Variants in GSDME observed in about 807,000 individuals in gnomAD.
GSDME encodes the protein gasdermin-E.
GSDME carries 44 observed loss-of-function variants against 47.5 expected under a neutral mutation model. The ratio of observed to expected loss-of-function variants is 0.93; its 90% confidence interval spans 0.73 to 1.19. The LOEUF (loss-of-function observed/expected upper bound fraction) is 1.19, where lower values mean the gene tolerates loss of function less well. Ranked by LOEUF, GSDME falls within the 50% of genes most tolerant of loss-of-function variation. GSDME has a pLI of 0.00. For synonymous variants in GSDME, 258 were observed against 252.8 expected (o/e 1.02, Z -0.20); for missense variants, 663 against 604.2 (o/e 1.10, Z -1.02).
At chr7:24,746,394 T>C (rs961210994) in intron 2 of GSDME, among the ~76,000 whole-genome samples, 3 of 152,186 alleles carry the variant, frequency 2.0e-5, no homozygotes, top group Non-Finnish European at 4.4e-5. Flanking sequence ...CAGACTTTCA[T>C]GAGCAATTTG....
chr7:24,767,630 T>C, the GSDME span, among the ~76,000 whole-genome samples: 1 of 151,986 alleles, frequency 6.6e-6, no homozygotes, highest in Non-Finnish European at 1.5e-5. This position sits in a 1 kb window ranked among gnomAD's most constrained non-coding sequence, Gnocchi z 5.3. Flanking sequence ...TTTTTTTTTT[T>C]GTTTCTACTA....
At position 24,732,972 on chromosome 7, in the gene GSDME, C is replaced by T. The variant is rs1274945616; in HGVS notation, c.404+11590G>A. Among the ~76,000 whole-genome samples, 1 of 151,946 alleles carries T rather than the reference C, an allele frequency of 6.6e-6. No individual in the cohort carries two copies. Among genetic ancestry groups the T allele is most frequent in the Non-Finnish European group, 1.5e-5 (1 of 68,006 alleles). On this transcript the variant is annotated intron_variant, in intron 3 of 9. Transcript: ENST00000645220. This position sits in a 1 kb window ranked among gnomAD's most constrained non-coding sequence, Gnocchi z 4.8. ...TAAGGGAGTACTGGATCTAACCCTCCCCCAACTCCAAGCAGCACAACATGC... is the reference window on the plus strand; with the variant it reads ...TAAGGGAGTACTGGATCTAACCCTCTCCCAACTCCAAGCAGCACAACATGC...
rs1277316092 is a variant in GSDME at position 24,704,048 on chromosome 7, T to TGGTACACTAG, written c.1184-1225_1184-1216dup. 4 of 152,176 alleles carry TGGTACACTAG rather than the reference T, an allele frequency of 2.6e-5. No homozygotes were observed. In the East Asian group the frequency reaches 7.7e-4, roughly 29 times the overall value. The allele number at this position is 152,176 out of a possible 1,614,324, so 9.4% of individuals were successfully genotyped here. On this transcript the variant is annotated intron_variant, in intron 8 of 9. Transcript: ENST00000645220. ...ACCCATTTAGCTGCTATCTTGAGTG[T>TGGTACACTAG]GGTACACTAGGTGCTAGGGGCACAG...
At chr7:24,709,518 C>T (rs1163288105) in intron 6 of GSDME, among the ~76,000 whole-genome samples, 4 of 152,184 alleles carry the variant, frequency 2.6e-5, no homozygotes, top group Admixed American at 2.6e-4. Flanking sequence ...GATGTAGTCA[C>T]CAGGGCTTCT....
chr7:24,765,970 G>A, the GSDME span, among the ~76,000 whole-genome samples: 5 of 152,078 alleles, frequency 3.3e-5, no homozygotes, highest in South Asian at 4.1e-4. Context: ...CCTAACTTTT[G>A]ATTACTGCCT....
the GSDME span, among the ~76,000 whole-genome samples, chr7:24,780,770 C>A: frequency 1.3e-5 from 2 of 152,196 alleles, no homozygotes; most frequent in South Asian, 2.1e-4. This position sits in a 1 kb window ranked among gnomAD's most constrained non-coding sequence, Gnocchi z 4.1. Flanking sequence ...TCTTAGTGAC[C>A]TTTGTCTACC....
In GSDME at chr7:24,736,629, C is replaced by T. The variant is rs1790314566; in HGVS notation, c.404+7933G>A. On this transcript the variant is annotated intron_variant, in intron 3 of 9. Transcript: ENST00000645220. The surrounding 1 kb of genome is among the most constrained non-coding windows in gnomAD (Gnocchi z 4.6). The stretch of plus-strand genomic sequence containing the variant: ...ACAGATCATCCAGACAGAAAATCAA[C>T]ATCAGACTTAATCTGCACTACAGAC... Among the ~76,000 whole-genome samples the T allele has an allele frequency of 6.6e-6, 1 of 152,150 alleles. No homozygotes were observed. Among genetic ancestry groups the T allele is most frequent in the African/African-American group, 2.4e-5 (1 of 41,442 alleles).
rs745646987 is a variant in GSDME at position 24,749,653 on chromosome 7, T to C, written c.122A>G (p.Lys41Arg). 6.2e-7 allele frequency: 1 copy of C among 1,613,938 alleles called. No homozygotes were observed. Among genetic ancestry groups the C allele is most frequent in the Admixed American group, 1.7e-5 (1 of 60,022 alleles). The change falls in exon 2 of 10, where the codon AAG becomes AGG. Residue 41 changes from lysine (K) to arginine (R), a missense_variant. Transcript: ENST00000645220. ...LQLLSLVTKK[K>R]RFWCWQRPKY... ...GGGTCTCTGCCAGCACCAGAATCTCTTCTTTTTTGTCACCAGACTTAGAAG... is the reference window on the plus strand; with the variant it reads ...GGGTCTCTGCCAGCACCAGAATCTCCTCTTTTTTGTCACCAGACTTAGAAG...
chr7:24,776,552 C>T, the GSDME span, among the ~76,000 whole-genome samples: 722 of 152,296 alleles, frequency 4.7e-3, 9 homozygotes, highest in African/African-American at 0.017. Flanking sequence ...TAGGTTTCAT[C>T]TTATAACCAG....
the GSDME span, among the ~76,000 whole-genome samples, chr7:24,785,825 C>T: frequency 6.6e-6 from 1 of 152,224 alleles, no homozygotes; most frequent in East Asian, 1.9e-4. Context: ...CAGTTCCTTC[C>T]TTCTAGCCCT....
chr7:24,707,486 CTT>C lies in GSDME; in HGVS notation c.990+639_990+640del, dbSNP rs144318991. 1,404 of 465,024 alleles carry C rather than the reference CTT, an allele frequency of 3.0e-3. 32 individuals carry two copies. The highest frequency in any genetic ancestry group is 0.028 in the Admixed American group (1,190 of 42,208). 28.8% of individuals were successfully genotyped at this position (465,024 alleles called of 1,614,324 possible). A position where few individuals can be genotyped will look rare whatever the true frequency, so the allele number is the denominator to read the frequency against. ...CTCTGTTCTAAATGGAACAGGCTGACTTTATAGATTCCACCACACGACCCCCT... is the reference window on the plus strand; with the variant it reads ...CTCTGTTCTAAATGGAACAGGCTGACTATAGATTCCACCACACGACCCCCT... On this transcript the variant is annotated intron_variant, in intron 7 of 9. Coordinates refer to ENST00000645220, the MANE Select transcript of GSDME (RefSeq NM_001127453.2).
chr7:24,781,946 A>G, the GSDME span, among the ~76,000 whole-genome samples: 1 of 152,060 alleles, frequency 6.6e-6, no homozygotes, highest in Non-Finnish European at 1.5e-5. Context: ...ATGTCTTGCT[A>G]TGTTGCCCAG....
chr7:24,710,849 GAAT>G lies in GSDME; in HGVS notation c.698-464_698-462del, dbSNP rs1311034939. Among the ~76,000 whole-genome samples, 4 of 152,176 alleles carry G rather than the reference GAAT, an allele frequency of 2.6e-5. No homozygotes were observed. In the South Asian group the frequency reaches 6.2e-4, roughly 24 times the overall value. ...GAAATCAATGTTTCTATAATATATA[GAAT>G]AATATACAGCAATAAAAAATAAAAT... On this transcript the variant is annotated intron_variant, in intron 5 of 9. Transcript: ENST00000645220.
At chr7:24,783,927 C>T in the GSDME span, among the ~76,000 whole-genome samples, 1 of 151,874 alleles carries the variant, frequency 6.6e-6, no homozygotes, top group African/African-American at 2.4e-5. Context: ...TTGAGATGCC[C>T]CAGGGGATTT....
intron 3 of GSDME, among the ~76,000 whole-genome samples, chr7:24,740,069 G>A (rs1359869434): frequency 1.3e-5 from 2 of 149,046 alleles, no homozygotes; most frequent in Admixed American, 6.7e-5. Flanking sequence ...CTCCAGCCTG[G>A]GTGACAGAGC....
chr7:24,777,071 T>C, the GSDME span, among the ~76,000 whole-genome samples: 18 of 152,226 alleles, frequency 1.2e-4, no homozygotes, highest in Admixed American at 1.0e-3. Flanking sequence ...TTTCTAAAAG[T>C]AACGAATTAC....
rs1788848318 is a variant in GSDME at position 24,701,065 on chromosome 7, A to G, written c.1257+1695T>C. On this transcript the variant is annotated intron_variant, in intron 9 of 9. Transcript: ENST00000645220. ...GTGTATCTGGCACTGTACTCCCAAAAGCCCTTCAGAAAGCCTCTCAAAGTT... is the reference window on the plus strand; with the variant it reads ...GTGTATCTGGCACTGTACTCCCAAAGGCCCTTCAGAAAGCCTCTCAAAGTT... Among the ~76,000 whole-genome samples, 3 of 152,314 alleles carry G rather than the reference A, an allele frequency of 2.0e-5. No homozygotes were observed. The South Asian group carries it at 6.2e-4, about 32-fold the overall frequency.
chr7:24,768,770 A>G, the GSDME span, among the ~76,000 whole-genome samples: 3 of 152,246 alleles, frequency 2.0e-5, no homozygotes, highest in African/African-American at 4.8e-5. The surrounding 1 kb of genome is among the most constrained non-coding windows in gnomAD (Gnocchi z 5.6). Flanking sequence ...TAATTTGCTT[A>G]TGAAATGGCT....
At chr7:24,702,872 C>T (rs756371714) in intron 8 of GSDME, 39 bp from the exon 9 acceptor site, 2 of 1,582,636 alleles carry the variant, frequency 1.3e-6, no homozygotes, top group East Asian at 4.5e-5. Context: ...TCCAAAAAAA[C>T]AAGTCCATGG....
Sources: gnomAD v4.1 joint callset for allele counts (sites outside exome capture counted in the v4.1 genomes callset) on GRCh38, gnomAD v4.1.1 for gene constraint, Gnocchi (gnomAD v3.1) non-coding constraint, MANE v1.5 for transcripts, NCBI Gene and HGNC (gene_info 2026-07-23, HGNC 2026-07-21) for gene names.